The following CSMD2 variants were observed in gnomAD, a reference collection of about 807,000 sequenced individuals.
CSMD2 encodes the protein CUB and sushi domain-containing protein 2.
A neutral mutation model predicts 398.5 loss-of-function variants in CSMD2; 130 were observed. The observed-to-expected ratio is 0.33, with a 90% confidence interval of 0.28 to 0.38. CSMD2 has a LOEUF of 0.38. Among genes scored for constraint, CSMD2 ranks in the 10% least tolerant of loss-of-function variants. CSMD2 has a pLI of 1.00. For missense variants in CSMD2, 3,829 were observed against 4,764.9 expected (o/e 0.80, Z 5.78); for synonymous variants, 1,828 against 1,908.5 (o/e 0.96, Z 1.10).
intron 14 of CSMD2, 60 bp from the exon 15 acceptor site, chr1:33,739,394 A>C (rs1646985475): frequency 1.4e-6 from 2 of 1,474,102 alleles, no homozygotes; most frequent in South Asian, 2.7e-5. Context: ...AGAATCCCTA[A>C]AGAAAATTAG....
At chr1:34,088,918 C>T in intron 2 of CSMD2, 59 bp downstream of exon 2, 1 of 1,380,952 alleles carries the variant, frequency 7.2e-7, no homozygotes, top group Non-Finnish European at 1.0e-6. Context: ...GATCTTCCTC[C>T]TAGTGAGCTT....
At chr1:33,598,665 G>GTTTTTTTTTTTTTTTT (rs5773419) in intron 44 of CSMD2, 3 of 73,904 alleles carry the variant, frequency 4.1e-5, no homozygotes, top group African/African-American at 1.7e-4. Context: ...AGTTTCCTGT[G>GTTTTTTTTTTTTTTTT]TTTTTTTTTT....
At chr1:33,911,764 CAG>C (rs1440164291) in intron 5 of CSMD2, among the ~76,000 whole-genome samples, 1 of 152,222 alleles carries the variant, frequency 6.6e-6, no homozygotes, top group Admixed American at 6.5e-5. Flanking sequence ...GAAGTCCAGA[CAG>C]ATAGAGCAGG....
chr1:33,610,315 G>A (rs2148834227), intron 41 of CSMD2, among the ~76,000 whole-genome samples: 1 of 152,068 alleles, frequency 6.6e-6, no homozygotes, highest in Admixed American at 6.5e-5. Flanking sequence ...ATCTGGGAAA[G>A]GGATTAGAAC....
At chr1:33,756,480 T>C (rs192439794) in intron 13 of CSMD2, among the ~76,000 whole-genome samples, 1 of 152,342 alleles carries the variant, frequency 6.6e-6, no homozygotes, top group Non-Finnish European at 1.5e-5. Context: ...GCAGCAGGAA[T>C]GGCCTGTCTG....
intron 3 of CSMD2, among the ~76,000 whole-genome samples, chr1:33,980,946 C>G (rs1460407526): frequency 6.6e-6 from 1 of 152,152 alleles, no homozygotes; most frequent in Admixed American, 6.5e-5. Flanking sequence ...ACAAGCCTAT[C>G]TGAAGAACTG....
intron 2 of CSMD2, among the ~76,000 whole-genome samples, chr1:34,043,903 G>A (rs944540966): frequency 6.6e-6 from 1 of 152,200 alleles, no homozygotes; most frequent in African/African-American, 2.4e-5. Context: ...GAGCTTTCCT[G>A]GTTGGCAATA....
chr1:34,109,499 G>A (rs1406907228), intron 1 of CSMD2, among the ~76,000 whole-genome samples: 2 of 152,150 alleles, frequency 1.3e-5, no homozygotes, highest in Non-Finnish European at 2.9e-5. Context: ...TATTGCCTAC[G>A]TTGTCCCCCA....
chr1:33,785,688 C>G (rs1466928053), intron 12 of CSMD2, among the ~76,000 whole-genome samples: 1 of 152,170 alleles, frequency 6.6e-6, no homozygotes, highest in African/African-American at 2.4e-5. Context: ...CCTGGGCATG[C>G]CCTATCCTAC....
At chr1:33,987,499 C>A (rs150531611) in intron 3 of CSMD2, among the ~76,000 whole-genome samples, 1 of 152,254 alleles carries the variant, frequency 6.6e-6, no homozygotes, top group African/African-American at 2.4e-5. Flanking sequence ...ATGTCCTAAC[C>A]AGTATATTAA....
chr1:33,582,233 A>G (rs560368099), intron 47 of CSMD2, among the ~76,000 whole-genome samples: 60 of 152,320 alleles, frequency 3.9e-4, no homozygotes, highest in Non-Finnish European at 7.5e-4. Flanking sequence ...CAAAGTTGGC[A>G]TAATTACTAA....
intron 25 of CSMD2, among the ~76,000 whole-genome samples, chr1:33,682,773 C>T (rs1217836917): frequency 6.6e-6 from 1 of 152,174 alleles, no homozygotes; most frequent in African/African-American, 2.4e-5. Context: ...TCCCCCTTTC[C>T]CTTCTACCTC....
intron 3 of CSMD2, among the ~76,000 whole-genome samples, chr1:33,989,012 CCATATATATATATA>C (rs1262785336): frequency 2.0e-5 from 1 of 49,026 alleles, no homozygotes. Context: ...CTCTCTCTCT[CCATATATATATATA>C]TATATATATA....
intron 5 of CSMD2, among the ~76,000 whole-genome samples, chr1:33,901,031 A>C (rs1380147493): frequency 6.6e-6 from 1 of 152,312 alleles, no homozygotes; most frequent in Non-Finnish European, 1.5e-5. Context: ...GCTGGGGAGA[A>C]CCACGTGTAG....
At chr1:33,697,468 G>A (rs1311852188) in intron 24 of CSMD2, among the ~76,000 whole-genome samples, 4 of 152,150 alleles carry the variant, frequency 2.6e-5, no homozygotes, top group Non-Finnish European at 4.4e-5. Context: ...CTTGCAGAGG[G>A]TCCACTTAGA....
intron 13 of CSMD2, among the ~76,000 whole-genome samples, chr1:33,753,246 G>A (rs1035166088): frequency 1.3e-5 from 2 of 152,212 alleles, no homozygotes; most frequent in East Asian, 1.9e-4. Context: ...GCAGCCTCTC[G>A]CATCATAGGC....
At chr1:33,616,843 A>G (rs1321520598) in intron 39 of CSMD2, 63 bp downstream of exon 39, 3 of 1,284,730 alleles carry the variant, frequency 2.3e-6, no homozygotes, top group Non-Finnish European at 3.4e-6. Flanking sequence ...ATGATACACT[A>G]CTGAGCTAAG....
At chr1:33,546,456 G>A (rs1352165241) in intron 56 of CSMD2, among the ~76,000 whole-genome samples, 1 of 152,220 alleles carries the variant, frequency 6.6e-6, no homozygotes, top group Non-Finnish European at 1.5e-5. Context: ...CAAGAAGGCA[G>A]AGGAAAGGCT....
chr1:33,836,644 G>T (rs762628939), intron 6 of CSMD2, among the ~76,000 whole-genome samples: 1 of 152,222 alleles, frequency 6.6e-6, no homozygotes, highest in Non-Finnish European at 1.5e-5. Context: ...GGCTCCGTGG[G>T]TGTAGGACCC....
Sources: allele counts gnomAD v4.1 joint callset (sites outside exome capture counted in the v4.1 genomes callset), GRCh38; gene constraint gnomAD v4.1.1; transcripts MANE v1.5; gene names NCBI Gene and HGNC (gene_info 2026-07-23, HGNC 2026-07-21).